The following BNC1 variants were observed in gnomAD, a reference collection of about 807,000 sequenced individuals.
The protein encoded by BNC1 is basonuclin zinc finger protein 1.
BNC1 carries 8 observed loss-of-function variants against 66.5 expected under a neutral mutation model. That is an observed-to-expected ratio of 0.12 (90% confidence interval 0.07 to 0.22). BNC1 has a LOEUF of 0.22. Among genes scored for constraint, BNC1 ranks in the 10% least tolerant of loss-of-function variants. BNC1 has a pLI of 1.00. For synonymous variants in BNC1, 454 were observed against 452.6 expected, an observed-to-expected ratio of 1.00 and a Z score of -0.04; for missense variants, 1,069 against 1,241.3, an observed-to-expected ratio of 0.86 and a Z score of 2.09.
intron 1 of BNC1, 41 bp downstream of exon 1, chr15:83,284,489 G>C (rs1421214566): frequency 8.5e-7 from 1 of 1,179,480 alleles, no homozygotes; most frequent in South Asian, 2.0e-5. Context: ...CCTGCTCCGC[G>C]CACAGAGAAT....
In BNC1 at chr15:83,258,187, T is replaced by C. The variant is rs1302982654; in HGVS notation, c.2301-61A>G. 20 of 1,494,684 alleles carry C rather than the reference T, an allele frequency of 1.3e-5. No individual in the cohort carries two copies. The East Asian group carries it at 2.1e-4, about 15-fold the overall frequency. The allele number at this position is 1,494,684 out of a possible 1,614,324, so 92.6% of individuals were successfully genotyped here. A position where few individuals can be genotyped will look rare whatever the true frequency, so the allele number is the denominator to read the frequency against. The stretch of plus-strand genomic sequence containing the variant: ...GCTGTTTTAGAAACAGTCATCATTC[T>C]GAGTGGAGAGACTTGGTAGATACCA... On this transcript the variant is annotated intron_variant, in intron 4 of 4. Transcript: ENST00000345382.
At chr15:83,284,498 A>T in intron 1 of BNC1, 32 bp downstream of exon 1, 2 of 1,187,156 alleles carry the variant, frequency 1.7e-6, no homozygotes, top group African/African-American at 1.7e-5. Context: ...CGCACAGAGA[A>T]TCCCCGCGCC....
chr15:83,259,611 G>A (rs1459944285), intron 4 of BNC1, among the ~76,000 whole-genome samples: 2 of 152,148 alleles, frequency 1.3e-5, no homozygotes, highest in Non-Finnish European at 2.9e-5. Flanking sequence ...TGTGCCGACA[G>A]AAAACCAGAC....
At chr15:83,267,632 C>T (rs144363338) in intron 2 of BNC1, among the ~76,000 whole-genome samples, 1,809 of 152,228 alleles carry the variant, frequency 0.012, 43 homozygotes, top group African/African-American at 0.042. Context: ...TTCAAGTACT[C>T]AGTAGCCACA....
intron 1 of BNC1, chr15:83,283,229 C>T (rs888983527): frequency 6.5e-7 from 1 of 1,535,558 alleles, no homozygotes; most frequent in East Asian, 2.4e-5. Flanking sequence ...AAGTTTGGCT[C>T]GGAGCTACGC....
chr15:83,269,631 T>C (rs1431339783), intron 1 of BNC1, among the ~76,000 whole-genome samples: 1 of 152,182 alleles, frequency 6.6e-6, no homozygotes, highest in Non-Finnish European at 1.5e-5. Context: ...CTGGTGGGAT[T>C]GTAAAATGGT....
intron 1 of BNC1, among the ~76,000 whole-genome samples, chr15:83,281,971 G>A (rs1487864067): frequency 2.0e-5 from 3 of 152,208 alleles, no homozygotes; most frequent in African/African-American, 7.2e-5. Context: ...TAAATCTCAT[G>A]CTTCCAAGGC....
At chr15:83,258,371 T>G (rs1411821505) in intron 4 of BNC1, among the ~76,000 whole-genome samples, 1 of 152,324 alleles carries the variant, frequency 6.6e-6, no homozygotes, top group Non-Finnish European at 1.5e-5. Context: ...ATATGTAGTC[T>G]TCTTTGATTT....
At position 83,263,156 on chromosome 15, in the gene BNC1, C is replaced by A. The variant is rs746256662; in HGVS notation, c.2095G>T (p.Asp699Tyr). The A allele has an allele frequency of 1.9e-6, 3 of 1,614,200 alleles. No homozygotes were observed. In the South Asian group the frequency reaches 3.3e-5, roughly 18 times the overall value. ...NRGMAFPCLEDSKELEHVGQH... is the reference protein window; with the variant it reads ...NRGMAFPCLEYSKELEHVGQH... Reference sequence around the variant, plus strand: ...CCCACGTGCTCCAGTTCTTTAGAATCTTCAAGACAAGGAAAAGCCATTCCC... The same window carrying A: ...CCCACGTGCTCCAGTTCTTTAGAATATTCAAGACAAGGAAAAGCCATTCCC... The change falls in exon 4 of 5, where the codon GAT becomes TAT. Residue 699 changes from aspartate (D) to tyrosine (Y), a missense_variant. Physicochemically the swap from Asp to Tyr is radical, Grantham distance 160 (BLOSUM62 -3). This residue lies in a region of BNC1 where 657 missense variants were observed against 715.8 expected (regional missense o/e 0.92). Transcript: ENST00000345382.
In BNC1 at chr15:83,277,993, A is replaced by G. The variant is rs544141513; in HGVS notation, c.99+6537T>C. Among the ~76,000 whole-genome samples, 22 of 151,090 alleles carry G rather than the reference A, an allele frequency of 1.5e-4. 1 individual carries two copies. The South Asian group carries it at 4.6e-3, about 32-fold the overall frequency. On this transcript the variant is annotated intron_variant, in intron 1 of 4. Transcript: ENST00000345382. ...TTCACTTTTTCTTTTTAAGTTTCCC[A>G]TTGTTTTTCTTACATATGAAAACCC...
chr15:83,261,384 A>G (rs1315932380), intron 4 of BNC1, among the ~76,000 whole-genome samples: 3 of 152,224 alleles, frequency 2.0e-5, no homozygotes, highest in South Asian at 4.1e-4. Flanking sequence ...GAGTCTGTAC[A>G]TTTTCACCCT....
chr15:83,258,794 T>C (rs1017133322), intron 4 of BNC1, among the ~76,000 whole-genome samples: 2 of 152,252 alleles, frequency 1.3e-5, no homozygotes, highest in African/African-American at 4.8e-5. Context: ...ATGTGGCTAG[T>C]ATCATATGTT....
At chr15:83,277,239 A>G (rs1328706311) in intron 1 of BNC1, among the ~76,000 whole-genome samples, 1 of 152,064 alleles carries the variant, frequency 6.6e-6, no homozygotes, top group Admixed American at 6.6e-5. Context: ...ATAACCAGCT[A>G]ATTTTTAAAA....
intron 4 of BNC1, among the ~76,000 whole-genome samples, chr15:83,262,358 A>T (rs114510402): frequency 7.3e-4 from 111 of 152,226 alleles, no homozygotes; most frequent in African/African-American, 2.1e-3. Flanking sequence ...GCCATAGTTC[A>T]TGATTTCTTA....
chr15:83,267,929 A>C (rs1333971806), intron 2 of BNC1, among the ~76,000 whole-genome samples: 3 of 152,224 alleles, frequency 2.0e-5, no homozygotes, highest in Non-Finnish European at 2.9e-5. Flanking sequence ...CTACATCTTT[A>C]GAATGAGGTT....
At chr15:83,272,010 C>T (rs905036368) in intron 1 of BNC1, among the ~76,000 whole-genome samples, 8 of 152,200 alleles carry the variant, frequency 5.3e-5, no homozygotes, top group South Asian at 2.1e-4. Flanking sequence ...ACACCTAAAA[C>T]GTTGTCCAGC....
At chr15:83,273,878 T>C (rs1193837796) in intron 1 of BNC1, among the ~76,000 whole-genome samples, 1 of 152,010 alleles carries the variant, frequency 6.6e-6, no homozygotes, top group Admixed American at 6.6e-5. Context: ...CCAGACAGAG[T>C]AGGTCTCTCA....
intron 4 of BNC1, among the ~76,000 whole-genome samples, chr15:83,262,541 G>A (rs779443430): frequency 6.6e-6 from 1 of 152,108 alleles, no homozygotes; most frequent in Non-Finnish European, 1.5e-5. Context: ...AAGATTACAA[G>A]TAGCCTCACA....
chr15:83,278,616 G>C (rs762539959), intron 1 of BNC1, among the ~76,000 whole-genome samples: 2 of 152,142 alleles, frequency 1.3e-5, no homozygotes, highest in Non-Finnish European at 2.9e-5. Context: ...CTGTATTTCA[G>C]GGTAAAAAAA....
Sources: gnomAD v4.1 joint callset for allele counts (sites outside exome capture counted in the v4.1 genomes callset) on GRCh38, gnomAD v4.1.1 for gene constraint, gnomAD v4.1.1 regional missense constraint, MANE v1.5 for transcripts, NCBI Gene and HGNC (gene_info 2026-07-23, HGNC 2026-07-21) for gene names.